The following ADAMTS3 variants were observed in gnomAD, a reference collection of about 807,000 sequenced individuals.
ADAMTS3 encodes ADAM metallopeptidase with thrombospondin type 1 motif 3.
A neutral mutation model predicts 129.0 loss-of-function variants in ADAMTS3; 73 were observed. The observed-to-expected ratio is 0.57, with a 90% CI of 0.47 to 0.69. The LOEUF (loss-of-function observed/expected upper bound fraction) is 0.69, where lower values mean the gene tolerates loss of function less well. Among genes scored for constraint, ADAMTS3 ranks in the 30% least tolerant of loss-of-function variants. ADAMTS3 has a pLI of 0.00. For missense variants in ADAMTS3, 1,457 were observed against 1,514.5 expected (o/e 0.96, Z 0.63); for synonymous variants, 477 against 510.8 (o/e 0.93, Z 0.89).
In ADAMTS3 at chr4:72,422,988, A is replaced by T. The variant is rs545769627; in HGVS notation, c.505-8017T>A. Among the ~76,000 whole-genome samples, 61 of 152,316 alleles carry T rather than the reference A, an allele frequency of 4.0e-4. No individual in the cohort carries two copies. The South Asian group carries it at 7.7e-3, about 19-fold the overall frequency. On this transcript the variant is annotated intron_variant, in intron 3 of 21. Transcript: ENST00000286657. Reference sequence around the variant, plus strand: ...AAAAATTAGTCTAAGTGACATTTTTAAAAAAGTTCCATCAAAAATTACAAT... The same window carrying T: ...AAAAATTAGTCTAAGTGACATTTTTTAAAAAGTTCCATCAAAAATTACAAT...
chr4:72,323,479 A>G (rs1254468431), intron 5 of ADAMTS3, among the ~76,000 whole-genome samples: 1 of 152,148 alleles, frequency 6.6e-6, no homozygotes, highest in Non-Finnish European at 1.5e-5. Flanking sequence ...CAGTAAAGGA[A>G]AACAGCAAGC....
chr4:72,466,882 C>T (rs1326398185), intron 3 of ADAMTS3, among the ~76,000 whole-genome samples: 3 of 152,016 alleles, frequency 2.0e-5, no homozygotes, highest in Admixed American at 6.6e-5. Context: ...TCAGTTCCAG[C>T]TATGCGGTCT....
chr4:72,470,114 A>G (rs11732148), intron 3 of ADAMTS3, among the ~76,000 whole-genome samples: 147,984 of 152,010 alleles, frequency 0.97, 72,176 homozygotes, highest in East Asian at 1. Flanking sequence ...TCAAGTTTGT[A>G]TACAAGATGA....
rs1248217735 is a variant in ADAMTS3, at chr4:72,529,806, ATT to A, written c.504+18670_504+18671del. ...TATGATATAATTTAATATAATATAT[ATT>A]ATATATAATAATACATAATATATAA... On this transcript the variant is annotated intron_variant, in intron 3 of 21. Transcript: ENST00000286657. Among the ~76,000 whole-genome samples, 20 of 95,126 alleles carry A rather than the reference ATT, an allele frequency of 2.1e-4. No individual in the cohort carries two copies. In the South Asian group the frequency reaches 5.1e-3, roughly 24 times the overall value. 62.4% of individuals were successfully genotyped at this position (95,126 alleles called of 152,430 possible). A position where few individuals can be genotyped will look rare whatever the true frequency, so the allele number is the denominator to read the frequency against.
chr4:72,415,097 GC>G, intron 3 of ADAMTS3, 126 bp from the exon 4 acceptor site: 1 of 625,514 alleles, frequency 1.6e-6, no homozygotes, highest in Non-Finnish European at 2.4e-6. Flanking sequence ...TCCACATTTG[GC>G]CATAACTTAA....
chr4:72,565,345 C>T (rs1321610599), intron 2 of ADAMTS3, among the ~76,000 whole-genome samples: 2 of 152,120 alleles, frequency 1.3e-5, no homozygotes, highest in African/African-American at 4.8e-5. Context: ...TTATATAAAA[C>T]TACTTCTAAA....
chr4:72,308,829 T>C (rs1217337299), intron 15 of ADAMTS3, among the ~76,000 whole-genome samples: 1 of 152,128 alleles, frequency 6.6e-6, no homozygotes. Context: ...TAAACATTTA[T>C]AGAGATGAGC....
rs1721389041 is a variant in ADAMTS3, at chr4:72,384,640, A to G, written c.661+30175T>C. On this transcript the variant is annotated intron_variant, in intron 4 of 21. Coordinates refer to ENST00000286657, the MANE Select transcript of ADAMTS3 (RefSeq NM_014243.3). ...TCAGATAAATAAAAATTATGATGTA[A>G]AGCAGAACTACACCACAAAAATTCC... 2.6e-5 allele frequency among the ~76,000 whole-genome samples: 4 copies of G among 152,198 alleles called. No homozygotes were observed. In the South Asian group the frequency reaches 8.3e-4, roughly 31 times the overall value.
chr4:72,537,433 G>C (rs535806014), intron 3 of ADAMTS3, among the ~76,000 whole-genome samples: 14 of 151,128 alleles, frequency 9.3e-5, no homozygotes, highest in Non-Finnish European at 1.8e-4. Flanking sequence ...TTCTCCTTTT[G>C]TGAACCAGAG....
intron 3 of ADAMTS3, among the ~76,000 whole-genome samples, chr4:72,429,517 TAGAC>T (rs1169052208): frequency 1.3e-5 from 2 of 152,058 alleles, no homozygotes; most frequent in Non-Finnish European, 2.9e-5. Context: ...TTTTTGATCT[TAGAC>T]ATTATTCAAA....
chr4:72,452,735 C>T (rs985920696), intron 3 of ADAMTS3, among the ~76,000 whole-genome samples: 1 of 151,744 alleles, frequency 6.6e-6, no homozygotes, highest in Non-Finnish European at 1.5e-5. Context: ...CACAGTCCTA[C>T]AAATTGGGCA....
intron 18 of ADAMTS3, 51 bp from the exon 19 acceptor site, chr4:72,295,837 A>G: frequency 1.3e-6 from 2 of 1,582,198 alleles, no homozygotes. Context: ...TCATGCTGAT[A>G]GTTACTTGAT....
intron 3 of ADAMTS3, among the ~76,000 whole-genome samples, chr4:72,422,946 T>A (rs1195791862): frequency 6.6e-6 from 1 of 152,184 alleles, no homozygotes; most frequent in Non-Finnish European, 1.5e-5. Flanking sequence ...AAGAGAAGAC[T>A]AAATTGTGTT....
chr4:72,455,088 A>G (rs1302408069), intron 3 of ADAMTS3, among the ~76,000 whole-genome samples: 2 of 151,706 alleles, frequency 1.3e-5, no homozygotes, highest in African/African-American at 4.8e-5. Context: ...ATGCATCTCA[A>G]TTATCAATAA....
chr4:72,563,883 G>A (rs929758847), intron 2 of ADAMTS3, among the ~76,000 whole-genome samples: 1 of 152,048 alleles, frequency 6.6e-6, no homozygotes. Flanking sequence ...GATACAATTG[G>A]CATCAAAACA....
At chr4:72,397,539 T>G (rs919056454) in intron 4 of ADAMTS3, among the ~76,000 whole-genome samples, 1 of 147,316 alleles carries the variant, frequency 6.8e-6, no homozygotes, top group East Asian at 2.0e-4. Flanking sequence ...CATTCCAGCC[T>G]GGGCGACAGG....
chr4:72,302,985 T>C (rs1482158758), intron 17 of ADAMTS3, among the ~76,000 whole-genome samples: 1 of 152,134 alleles, frequency 6.6e-6, no homozygotes, highest in Non-Finnish European at 1.5e-5. Flanking sequence ...CATCCAGTTG[T>C]TTTTAACGCT....
chr4:72,437,686 G>A (rs745373431), intron 3 of ADAMTS3, among the ~76,000 whole-genome samples: 4 of 151,668 alleles, frequency 2.6e-5, no homozygotes, highest in Non-Finnish European at 5.9e-5. Flanking sequence ...AGAGGGTGAT[G>A]ATAACAGAAA....
At chr4:72,440,468 C>T (rs569323184) in intron 3 of ADAMTS3, among the ~76,000 whole-genome samples, 1 of 151,882 alleles carries the variant, frequency 6.6e-6, no homozygotes, top group South Asian at 2.1e-4. Flanking sequence ...ATATGTTTTT[C>T]CTTAAAAAAA....
Sources: allele counts gnomAD v4.1 joint callset (sites outside exome capture counted in the v4.1 genomes callset), GRCh38; gene constraint gnomAD v4.1.1; transcripts MANE v1.5; gene names NCBI Gene and HGNC (gene_info 2026-07-23, HGNC 2026-07-21).